The following ELFN1 variants were observed in gnomAD, a reference collection of about 807,000 sequenced individuals.
ELFN1 encodes extracellular leucine rich repeat and fibronectin type III domain containing 1.
Under a neutral mutation model 7.6 loss-of-function variants are expected in ELFN1, and 6 were observed. That is an observed-to-expected ratio of 0.79 (90% CI 0.43 to 1.56). The LOEUF (loss-of-function observed/expected upper bound fraction) is 1.56, where lower values mean the gene tolerates loss of function less well. ELFN1 is among the 40% of genes most tolerant of loss of function. The pLI, the probability that ELFN1 is intolerant of heterozygous loss-of-function variation, is 0.01. For synonymous variants in ELFN1, 657 were observed against 588.1 expected (o/e 1.12, Z -1.70); for missense variants, 1,169 against 1,232.2 (o/e 0.95, Z 0.77).
At chr7:1,743,600 C>T (rs1352323092) in intron 3 of ELFN1, among the ~76,000 whole-genome samples, 3 of 152,156 alleles carry the variant, frequency 2.0e-5, no homozygotes, top group African/African-American at 7.2e-5. Context: ...GGCGGGCGAG[C>T]TCAGACCGAG....
Position 1,744,848 on chromosome 7 carries a change from C to A in ELFN1, c.252C>A (p.Gly84=). ...AGTACGCCTCGCTCAGCCGCTTTGG[C>A]AACCTCACGTACCTCAACCTCACCA... ...SVQYASLSRF[G]NLTYLNLTKN... Residue 84 remains glycine (G), a synonymous_variant, in exon 4 of 4, where the codon GGC becomes GGA. Coordinates refer to ENST00000424383, the MANE Select transcript of ELFN1 (RefSeq NM_001128636.4). The A allele has an allele frequency of 1.3e-6, 2 of 1,574,630 alleles. No individual in the cohort carries two copies. Among genetic ancestry groups the A allele is most frequent in the South Asian group, 1.2e-5 (1 of 85,894 alleles).
intron 1 of ELFN1, among the ~76,000 whole-genome samples, chr7:1,678,864 C>T (rs569075743): frequency 8.5e-5 from 13 of 152,316 alleles, no homozygotes; most frequent in Admixed American, 3.9e-4. Context: ...GTGTGGGGTG[C>T]GGGCATCGCG....
intron 1 of ELFN1, among the ~76,000 whole-genome samples, chr7:1,681,624 A>T (rs1259970804): frequency 6.6e-6 from 1 of 152,230 alleles, no homozygotes. Flanking sequence ...TCGGCCTCCC[A>T]AAGTGTGTGC....
At chr7:1,729,734 A>G (rs933755317) in intron 3 of ELFN1, among the ~76,000 whole-genome samples, 6 of 152,216 alleles carry the variant, frequency 3.9e-5, no homozygotes, top group Non-Finnish European at 7.4e-5. Flanking sequence ...TCTTTTGCAG[A>G]CAGGGTCGGC....
chr7:1,677,006 G>C (rs113158745), intron 1 of ELFN1, among the ~76,000 whole-genome samples: 1 of 152,226 alleles, frequency 6.6e-6, no homozygotes, highest in African/African-American at 2.4e-5. Context: ...AAAGCCATGA[G>C]GGTAGCCCGT....
intron 3 of ELFN1, among the ~76,000 whole-genome samples, chr7:1,734,228 G>C (rs1338421784): frequency 6.6e-6 from 1 of 152,132 alleles, no homozygotes; most frequent in Admixed American, 6.5e-5. Context: ...GACGGTGGTG[G>C]GAGGGGGACC....
At chr7:1,743,408 C>T in intron 3 of ELFN1, among the ~76,000 whole-genome samples, 1 of 152,196 alleles carries the variant, frequency 6.6e-6, no homozygotes. Flanking sequence ...TGTGTGGAGC[C>T]TGGAAATTCT....
chr7:1,727,636 C>CT (rs1360278765), intron 3 of ELFN1, among the ~76,000 whole-genome samples: 2 of 152,078 alleles, frequency 1.3e-5, no homozygotes, highest in Non-Finnish European at 2.9e-5. Context: ...ATCCAGTAGT[C>CT]TTTTTTTGGT....
intron 1 of ELFN1, among the ~76,000 whole-genome samples, chr7:1,674,280 T>C (rs763353711): frequency 6.6e-6 from 1 of 152,160 alleles, no homozygotes; most frequent in Non-Finnish European, 1.5e-5. Context: ...CCATGGAGGC[T>C]GGTCCACACA....
chr7:1,737,590 A>C (rs894752413), intron 3 of ELFN1, among the ~76,000 whole-genome samples: 1 of 152,018 alleles, frequency 6.6e-6, no homozygotes, highest in Non-Finnish European at 1.5e-5. Context: ...TGTTCCCTCC[A>C]CCTTCAACGT....
intron 2 of ELFN1, chr7:1,693,421 T>G (rs554308306): frequency 1.5e-5 from 7 of 471,034 alleles, no homozygotes; most frequent in Non-Finnish European, 3.1e-5. Flanking sequence ...TGTGCACATA[T>G]GTGTACACAT....
intron 3 of ELFN1, among the ~76,000 whole-genome samples, chr7:1,712,034 C>T (rs1028747635): frequency 1.3e-5 from 2 of 152,172 alleles, no homozygotes; most frequent in Non-Finnish European, 2.9e-5. Flanking sequence ...TTGCCACAGC[C>T]GTTGGGGATG....
At chr7:1,666,794 T>TG (rs1167638620), upstream of ELFN1, among the ~76,000 whole-genome samples, 535 of 150,392 alleles carry the variant, frequency 3.6e-3, 6 homozygotes, top group Non-Finnish European at 4.5e-3. The surrounding 1 kb of genome is among the most constrained non-coding windows in gnomAD (Gnocchi z 7.9). Context: ...AAAGCCGGCG[T>TG]GGGGGGGCGC....
chr7:1,741,477 G>A (rs554741029), intron 3 of ELFN1, among the ~76,000 whole-genome samples: 1 of 152,328 alleles, frequency 6.6e-6, no homozygotes, highest in East Asian at 1.9e-4. Flanking sequence ...CCAGCCTGAT[G>A]GAGGAGGGCT....
At chr7:1,710,501 G>A (rs1335692123) in intron 3 of ELFN1, among the ~76,000 whole-genome samples, 2 of 152,222 alleles carry the variant, frequency 1.3e-5, no homozygotes, top group East Asian at 3.8e-4. Context: ...TTGGTAGGGA[G>A]GGGTTCCACG....
intron 3 of ELFN1, among the ~76,000 whole-genome samples, chr7:1,719,872 C>G (rs569785362): frequency 7.9e-4 from 118 of 149,396 alleles, no homozygotes; most frequent in African/African-American, 2.8e-3. Flanking sequence ...CAGCCACTGG[C>G]ACTCAGGCAG....
intron 1 of ELFN1, among the ~76,000 whole-genome samples, chr7:1,675,376 C>A (rs1778849138): frequency 6.6e-6 from 1 of 152,234 alleles, no homozygotes; most frequent in African/African-American, 2.4e-5. Flanking sequence ...GGCATTGCTG[C>A]CCTGACATTT....
At chr7:1,675,873 G>T (rs1331442941) in intron 1 of ELFN1, among the ~76,000 whole-genome samples, 2 of 152,212 alleles carry the variant, frequency 1.3e-5, no homozygotes, top group Non-Finnish European at 2.9e-5. Context: ...CTGCATGAAG[G>T]GTTGGCCAGC....
Position 1,695,123 on chromosome 7 carries a change from G to T in ELFN1, c.-456+6973G>T, listed in dbSNP as rs1248885643. 6.6e-6 allele frequency among the ~76,000 whole-genome samples: 1 copy of T among 152,230 alleles called. No individual in the cohort carries two copies. Among genetic ancestry groups the T allele is most frequent in the Admixed American group, 6.5e-5 (1 of 15,288 alleles). ...GCCAGGCAGCAGACGTGGCCGACAGGCACATGGTGGGACCTGCTCTGTGGC... is the reference window on the plus strand; with the variant it reads ...GCCAGGCAGCAGACGTGGCCGACAGTCACATGGTGGGACCTGCTCTGTGGC... On this transcript the variant is annotated intron_variant, in intron 2 of 3. Transcript: ENST00000424383. The surrounding 1 kb of genome is among the most constrained non-coding windows in gnomAD (Gnocchi z 5.1).
Sources: gnomAD v4.1 joint callset for allele counts (sites outside exome capture counted in the v4.1 genomes callset) on GRCh38, gnomAD v4.1.1 for gene constraint, Gnocchi (gnomAD v3.1) non-coding constraint, MANE v1.5 for transcripts, NCBI Gene and HGNC (gene_info 2026-07-23, HGNC 2026-07-21) for gene names.